The following SCML4 variants were observed in gnomAD, a reference collection of about 807,000 sequenced individuals.
SCML4 encodes Scm polycomb group protein like 4, also known as sex comb on midleg-like protein 4.
A neutral mutation model predicts 41.1 loss-of-function variants in SCML4; 34 were observed. The observed-to-expected ratio is 0.83, with a 90% confidence interval of 0.63 to 1.10. The LOEUF (loss-of-function observed/expected upper bound fraction) is 1.10, where lower values mean the gene tolerates loss of function less well. Among genes scored for constraint, SCML4 ranks in the 50% least tolerant of loss-of-function variants. SCML4 has a pLI of 0.00. For synonymous variants in SCML4, 214 were observed against 220.9 expected, an observed-to-expected ratio of 0.97 and a Z score of 0.28; for missense variants, 522 against 534.1, an observed-to-expected ratio of 0.98 and a Z score of 0.22.
At chr6:107,747,002 G>T (rs1213950478) in intron 3 of SCML4, 113 bp from the exon 4 acceptor site, 5 of 883,818 alleles carry the variant, frequency 5.7e-6, no homozygotes, top group Non-Finnish European at 8.4e-6. Context: ...CTGGCCTTGG[G>T]AAAGCTGGCA....
intron 4 of SCML4, 135 bp downstream of exon 4, chr6:107,746,553 GC>G: frequency 1.4e-6 from 1 of 705,136 alleles, no homozygotes. Context: ...TAGCTCACAG[GC>G]TCATAAAGAC....
At chr6:107,817,224 C>T (rs1175107934) in intron 1 of SCML4, among the ~76,000 whole-genome samples, 1 of 152,178 alleles carries the variant, frequency 6.6e-6, no homozygotes, top group Non-Finnish European at 1.5e-5. Context: ...CTACCGTGGT[C>T]CCAAGCCAAT....
At chr6:107,803,340 G>A (rs186197662) in intron 1 of SCML4, among the ~76,000 whole-genome samples, 8,085 of 151,636 alleles carry the variant, frequency 0.053, 734 homozygotes, top group African/African-American at 0.19. Flanking sequence ...GAAGTGAGGA[G>A]CGTCTCCGCC....
chr6:107,809,835 C>T (rs1186934200), intron 1 of SCML4, among the ~76,000 whole-genome samples: 2 of 152,166 alleles, frequency 1.3e-5, no homozygotes, highest in African/African-American at 4.8e-5. Context: ...TAACCCCTCA[C>T]ATAATTATGC....
chr6:107,709,677 A>G lies in SCML4; in HGVS notation c.974-1666T>C, dbSNP rs148719324. Among the ~76,000 whole-genome samples, 376 of 152,254 alleles carry G rather than the reference A, an allele frequency of 2.5e-3. 1 individual carries two copies. Among genetic ancestry groups the G allele is most frequent in the African/African-American group, 8.9e-3 (368 of 41,544 alleles). On this transcript the variant is annotated intron_variant, in intron 6 of 7. Coordinates refer to ENST00000369020, the MANE Select transcript of SCML4 (RefSeq NM_198081.5). ...ATGTTCTGTGCTTCCTGCAGCCTGC[A>G]TGTCACCTTCCTACCCCTTTATTTT... is the stretch of plus-strand genomic sequence containing the variant.
At chr6:107,729,063 A>T (rs532741017) in intron 5 of SCML4, among the ~76,000 whole-genome samples, 1 of 152,222 alleles carries the variant, frequency 6.6e-6, no homozygotes, top group Non-Finnish European at 1.5e-5. Flanking sequence ...GGACCTTCAC[A>T]AGCACCCAGC....
intron 6 of SCML4, among the ~76,000 whole-genome samples, chr6:107,715,002 T>C (rs1774623605): frequency 6.9e-6 from 1 of 144,962 alleles, no homozygotes. Context: ...TGAGATGAAG[T>C]CCCGCTTTGT....
rs895573474 is a variant in SCML4 at position 107,702,900 on chromosome 6, C to T, written c.*2300G>A. ...AAGCATTCTGAGTCACAGGATGAGA[C>T]AGGAGGTCAGCACAAGATATAGGTC... On this transcript the variant is annotated 3_prime_UTR_variant, in exon 8 of 8. Transcript: ENST00000369020. Among the ~76,000 whole-genome samples, 15 of 152,152 alleles carry T rather than the reference C, an allele frequency of 9.9e-5. No individual in the cohort carries two copies. The highest frequency in any genetic ancestry group is 3.6e-4 in the African/African-American group (15 of 41,428).
chr6:107,726,558 A>AAAAAAAAAT (rs1776003779), intron 5 of SCML4, among the ~76,000 whole-genome samples: 1 of 145,176 alleles, frequency 6.9e-6, no homozygotes, highest in Non-Finnish European at 1.5e-5. Context: ...AAAAAAAAGA[A>AAAAAAAAAT]TTATTCTAGC....
upstream of SCML4, among the ~76,000 whole-genome samples, chr6:107,827,244 A>T (rs1785293060): frequency 3.4e-5 from 5 of 145,922 alleles, no homozygotes; most frequent in Non-Finnish European, 1.5e-5. Context: ...TTATTTAAAT[A>T]TATTTACATT....
chr6:107,835,763 CAAA>C, the SCML4 span, among the ~76,000 whole-genome samples: 1 of 86,376 alleles, frequency 1.2e-5, no homozygotes, highest in Non-Finnish European at 2.1e-5. Flanking sequence ...GACCCCATCT[CAAA>C]AAAAAAAAAA....
rs1405368238 is a variant in SCML4, at chr6:107,803,849, C to T, written c.-60+20277G>A. Among the ~76,000 whole-genome samples the T allele has an allele frequency of 2.0e-5, 3 of 150,982 alleles. No homozygotes were observed. The East Asian group carries it at 5.8e-4, about 29-fold the overall frequency. ...GCTTTGTCAAACAGATGCTTGAAGGCAGCATGCTGGTTAAGAGTCATCACC... is the reference window on the plus strand; with the variant it reads ...GCTTTGTCAAACAGATGCTTGAAGGTAGCATGCTGGTTAAGAGTCATCACC... On this transcript the variant is annotated intron_variant, in intron 1 of 7. Transcript: ENST00000369020.
At chr6:107,735,627 C>T (rs1408423050) in intron 5 of SCML4, among the ~76,000 whole-genome samples, 1 of 151,698 alleles carries the variant, frequency 6.6e-6, no homozygotes, top group East Asian at 1.9e-4. Context: ...GGCAAAACTC[C>T]ATCTCTATTA....
intron 1 of SCML4, among the ~76,000 whole-genome samples, chr6:107,803,112 T>A (rs371553294): frequency 2.2e-4 from 33 of 151,604 alleles, no homozygotes; most frequent in East Asian, 9.7e-4. Context: ...ACCTCCCAGC[T>A]GCCTGCCTTG....
intron 2 of SCML4, among the ~76,000 whole-genome samples, chr6:107,768,709 G>A (rs548972042): frequency 1.1e-4 from 17 of 152,174 alleles, no homozygotes; most frequent in Admixed American, 3.9e-4. Context: ...GCTTCCACCC[G>A]GAGCCTCAAA....
chr6:107,826,839 A>G (rs553106089), upstream of SCML4, among the ~76,000 whole-genome samples: 78 of 152,336 alleles, frequency 5.1e-4, 1 homozygote, highest in East Asian at 0.011. Flanking sequence ...TGAGGTGGGC[A>G]GATCACAAGG....
At chr6:107,774,976 G>C (rs1415566233) in intron 1 of SCML4, among the ~76,000 whole-genome samples, 2 of 151,120 alleles carry the variant, frequency 1.3e-5, no homozygotes, top group Non-Finnish European at 2.9e-5. Context: ...ACCTGGGTGT[G>C]ACAGAGTGAG....
chr6:107,756,394 C>T (rs1160992318), intron 2 of SCML4, among the ~76,000 whole-genome samples: 3 of 152,150 alleles, frequency 2.0e-5, no homozygotes, highest in Admixed American at 1.3e-4. Flanking sequence ...ATGAGAAAAA[C>T]ATTAGACAAA....
At chr6:107,830,534 G>A in the SCML4 span, among the ~76,000 whole-genome samples, 1 of 152,312 alleles carries the variant, frequency 6.6e-6, no homozygotes, top group East Asian at 1.9e-4. Flanking sequence ...AAGATGGCAG[G>A]GAATAGGTCT....
Sources: allele counts gnomAD v4.1 joint callset (sites outside exome capture counted in the v4.1 genomes callset), GRCh38; gene constraint gnomAD v4.1.1; transcripts MANE v1.5; gene names NCBI Gene and HGNC (gene_info 2026-07-23, HGNC 2026-07-21).